Variants in FGF14 observed in about 807,000 individuals in gnomAD.
FGF14 encodes fibroblast growth factor homologous factor 4.
Under a neutral mutation model 25.5 loss-of-function variants are expected in FGF14, and 5 were observed. That is an observed-to-expected ratio of 0.20 (90% CI 0.10 to 0.41). The LOEUF (loss-of-function observed/expected upper bound fraction) is 0.41, where lower values mean the gene tolerates loss of function less well. Among genes scored for constraint, FGF14 ranks in the 10% least tolerant of loss-of-function variants. FGF14 has a pLI of 1.00. For synonymous variants in FGF14, 138 were observed against 118.3 expected (o/e 1.17, Z -1.08); for missense variants, 222 against 320.1 (o/e 0.69, Z 2.34).
intron 1 of FGF14, among the ~76,000 whole-genome samples, chr13:102,069,021 T>A (rs1042719581): frequency 1.3e-5 from 2 of 152,144 alleles, no homozygotes; most frequent in African/African-American, 4.8e-5. Flanking sequence ...AGCTCAAGGT[T>A]TGTAGTGCAC....
At chr13:101,831,965 T>A (rs1208676092) in intron 3 of FGF14, among the ~76,000 whole-genome samples, 1 of 152,000 alleles carries the variant, frequency 6.6e-6, no homozygotes, top group African/African-American at 2.4e-5. Context: ...ACCAAATATA[T>A]CAGGTCTTAA....
intron 1 of FGF14, among the ~76,000 whole-genome samples, chr13:102,109,635 T>A (rs1164346113): frequency 6.6e-6 from 1 of 152,154 alleles, no homozygotes; most frequent in African/African-American, 2.4e-5. Flanking sequence ...GTTTGTTTGT[T>A]TTTGAGATTG....
chr13:101,765,257 T>C (rs144190596), intron 3 of FGF14, among the ~76,000 whole-genome samples: 106 of 152,300 alleles, frequency 7.0e-4, no homozygotes, highest in Middle Eastern at 3.4e-3. Context: ...CTAATGAAAA[T>C]TGAATTGACT....
intron 1 of FGF14, among the ~76,000 whole-genome samples, chr13:102,321,667 A>G (rs1227231001): frequency 2.0e-5 from 3 of 152,210 alleles, no homozygotes; most frequent in African/African-American, 7.2e-5. Context: ...AATTTTGATT[A>G]GGCCTTAATG....
At chr13:102,237,405 A>C (rs2051377214) in intron 1 of FGF14, among the ~76,000 whole-genome samples, 1 of 152,176 alleles carries the variant, frequency 6.6e-6, no homozygotes. Context: ...CTGGAAGAGA[A>C]TAAATCCCTG....
chr13:101,784,907 G>A (rs780990980), intron 3 of FGF14, among the ~76,000 whole-genome samples: 1 of 152,154 alleles, frequency 6.6e-6, no homozygotes. Context: ...ATGCTAAGGT[G>A]GCTTTAACAA....
At chr13:102,100,754 T>C (rs2140283863) in intron 1 of FGF14, among the ~76,000 whole-genome samples, 1 of 152,336 alleles carries the variant, frequency 6.6e-6, no homozygotes, top group South Asian at 2.1e-4. Context: ...CAACAATTTG[T>C]TAAGAACAGT....
chr13:102,097,053 A>G (rs904816956), intron 1 of FGF14, among the ~76,000 whole-genome samples: 11 of 148,278 alleles, frequency 7.4e-5, no homozygotes, highest in Non-Finnish European at 1.5e-4. Flanking sequence ...TAAGCACTGT[A>G]GTGTGGGGTC....
At chr13:102,401,615 C>A (rs2058704644) in exon 1 of FGF14, 2 of 1,613,992 alleles carry the variant, frequency 1.2e-6, no homozygotes, top group Non-Finnish European at 1.7e-6. Flanking sequence ...AAGAAGAGAT[C>A]CTTGTGGTTG....
intron 1 of FGF14, among the ~76,000 whole-genome samples, chr13:101,960,746 T>C (rs1379495964): frequency 6.6e-6 from 1 of 152,218 alleles, no homozygotes; most frequent in African/African-American, 2.4e-5. Context: ...TTTCTGGTTC[T>C]AGGTCTTTGG....
intron 1 of FGF14, among the ~76,000 whole-genome samples, chr13:101,889,643 T>A (rs1302811205): frequency 6.6e-6 from 1 of 152,164 alleles, no homozygotes; most frequent in Non-Finnish European, 1.5e-5. Context: ...TTTTGTCAGA[T>A]AAAAGAAAGA....
rs560800639 is a variant in FGF14, at chr13:102,315,732, C to A, written c.208+85739G>T. Among the ~76,000 whole-genome samples the A allele has an allele frequency of 2.0e-5, 3 of 152,224 alleles. No individual in the cohort carries two copies. In the East Asian group the frequency reaches 5.8e-4, roughly 29 times the overall value. On this transcript the variant is annotated intron_variant, in intron 1 of 4. Transcript: ENST00000376131. ...GCATCTAAAATATATCAGCTTGGGT[C>A]CTGTGTACCTTAGGGAGAACCCCAA...
chr13:101,877,474 T>C (rs1156984637), intron 1 of FGF14, among the ~76,000 whole-genome samples: 1 of 152,074 alleles, frequency 6.6e-6, no homozygotes. Flanking sequence ...AGCAATTAAG[T>C]AGTAATAATA....
In FGF14 at chr13:101,916,443, C is replaced by A. The variant is rs779749010; in HGVS notation, c.193+10G>T. 6.2e-7 allele frequency: 1 copy of A among 1,613,876 alleles called. No individual in the cohort carries two copies. Among genetic ancestry groups the A allele is most frequent in the Admixed American group, 1.7e-5 (1 of 60,032 alleles). On this transcript the variant is annotated intron_variant, in intron 1 of 4. Coordinates refer to ENST00000376143, the MANE Select transcript of FGF14 (RefSeq NM_004115.4). ...CCGGGGCGCATCTCCCGACCATGAC[C>A]CCCACAGACCTTGGCGCCGCAACCT...
chr13:101,958,513 A>T (rs188694146), intron 1 of FGF14, among the ~76,000 whole-genome samples: 37 of 152,232 alleles, frequency 2.4e-4, no homozygotes, highest in East Asian at 1.9e-4. Context: ...GAACTGTTGC[A>T]ATGGCTCTCC....
intron 3 of FGF14, among the ~76,000 whole-genome samples, chr13:101,815,305 T>A (rs2984832): frequency 1.3e-5 from 2 of 151,938 alleles, no homozygotes; most frequent in Non-Finnish European, 2.9e-5. Flanking sequence ...AGGAAAGGCA[T>A]GAAAGAGGTA....
intron 1 of FGF14, among the ~76,000 whole-genome samples, chr13:102,357,040 G>A (rs1304200252): frequency 2.0e-5 from 3 of 151,204 alleles, no homozygotes; most frequent in Non-Finnish European, 4.4e-5. Context: ...GCTAGGAAGT[G>A]GTGGAGGAGC....
chr13:102,174,043 T>G (rs563921587), intron 1 of FGF14, among the ~76,000 whole-genome samples: 3 of 152,032 alleles, frequency 2.0e-5, no homozygotes, highest in Non-Finnish European at 4.4e-5. Flanking sequence ...CCTAGGAAAC[T>G]CTAAAGATTC....
In FGF14 at chr13:101,950,758, T is replaced by G. The variant is rs1001443177; in HGVS notation, c.209-75462A>C. On this transcript the variant is annotated intron_variant, in intron 1 of 4. Coordinates refer to the FGF14 transcript ENST00000376131. ...AACAGAAAACCTAATCATGTTTTTT[T>G]TTTTTTTTTTTTGTCTTTAAGGAGT... is the stretch of plus-strand genomic sequence containing the variant. Among the ~76,000 whole-genome samples, 15 of 151,668 alleles carry G rather than the reference T, an allele frequency of 9.9e-5. No individual in the cohort carries two copies. The South Asian group carries it at 2.5e-3, about 25-fold the overall frequency.
Sources: gnomAD v4.1 joint callset for allele counts (sites outside exome capture counted in the v4.1 genomes callset) on GRCh38, gnomAD v4.1.1 for gene constraint, MANE v1.5 for transcripts, NCBI Gene and HGNC (gene_info 2026-07-23, HGNC 2026-07-21) for gene names.